SLFN12L: variants seen among roughly 807,000 people sequenced by gnomAD.
SLFN12L encodes the protein schlafen family member 12-like.
A neutral mutation model predicts 34.8 loss-of-function variants in SLFN12L; 34 were observed. That is an observed-to-expected ratio of 0.98 (90% CI 0.74 to 1.30). The LOEUF (loss-of-function observed/expected upper bound fraction) is 1.30, where lower values mean the gene tolerates loss of function less well. Among genes scored for constraint, SLFN12L ranks in the 50% most tolerant of loss-of-function variants. The probability of loss-of-function intolerance (pLI) is 0.00; values close to 1 mark genes in which losing one functional copy is unlikely to be tolerated. For missense variants in SLFN12L, 703 were observed against 696.2 expected, an observed-to-expected ratio of 1.01 and a Z score of -0.11; for synonymous variants, 259 against 247.5, an observed-to-expected ratio of 1.05 and a Z score of -0.44.
intron 2 of SLFN12L, among the ~76,000 whole-genome samples, chr17:35,520,197 G>A (rs892681650): frequency 1.3e-5 from 2 of 152,088 alleles, no homozygotes; most frequent in African/African-American, 2.4e-5. Context: ...CAACTGCAGC[G>A]CATCCACTGC....
intron 1 of SLFN12L, among the ~76,000 whole-genome samples, chr17:35,530,417 GGAAGGAAGGAAGGGAAGGGAAGGGA>G (rs2072384917): frequency 7.7e-5 from 1 of 12,936 alleles, no homozygotes; most frequent in African/African-American, 2.1e-4. Flanking sequence ...AAGGAAGGAA[GGAAGGAAGGAAGGGAAGGGAAGGGA>G]AGAAAGAAAG....
chr17:35,508,432 C>T lies in SLFN12L; in HGVS notation c.86+13847G>A, dbSNP rs527918733. On this transcript the variant is annotated intron_variant, in intron 2 of 4. Coordinates refer to ENST00000628453, the MANE Select transcript of SLFN12L (RefSeq NM_001363830.2). ...CACGATCTCAGCTCACTGCAATGTC[C>T]GCCTCCCAGGTTCATGCCATTCTCC... 1.7e-4 allele frequency among the ~76,000 whole-genome samples: 26 copies of T among 152,256 alleles called. No individual in the cohort carries two copies. The East Asian group carries it at 2.3e-3, about 14-fold the overall frequency.
At chr17:35,495,872 C>A (rs1409814757) in intron 2 of SLFN12L, among the ~76,000 whole-genome samples, 1 of 146,392 alleles carries the variant, frequency 6.8e-6, no homozygotes. Flanking sequence ...GCAGGGTGAG[C>A]GACAGAAGCT....
intron 2 of SLFN12L, among the ~76,000 whole-genome samples, chr17:35,487,270 C>A (rs1276197774): frequency 2.0e-5 from 3 of 152,280 alleles, no homozygotes; most frequent in Non-Finnish European, 2.9e-5. Flanking sequence ...CGCTCCCCAG[C>A]CCACGCACGG....
chr17:35,487,872 C>T lies in SLFN12L; in HGVS notation c.87-7677G>A, dbSNP rs778849564. On this transcript the variant is annotated intron_variant, in intron 2 of 4. Coordinates refer to ENST00000628453, the MANE Select transcript of SLFN12L (RefSeq NM_001363830.2). ...CTCGACTCCCCGGAAGTGGTGGCAC[C>T]GCACGCGCTGTTATCGACTCTGCGC... is the stretch of plus-strand genomic sequence containing the variant. 22 of 957,616 alleles carry T rather than the reference C, an allele frequency of 2.3e-5. No individual in the cohort carries two copies. The South Asian group carries it at 2.9e-4, about 13-fold the overall frequency. The allele number at this position is 957,616 out of a possible 1,614,324, so 59.3% of individuals were successfully genotyped here.
Position 35,478,139 on chromosome 17 carries a change from G to A in SLFN12L, c.1212C>T (p.Ser404=), listed in dbSNP as rs545869111. 2 of 1,545,504 alleles carry A rather than the reference G, an allele frequency of 1.3e-6. No individual in the cohort carries two copies. Among genetic ancestry groups the A allele is most frequent in the East Asian group, 2.5e-5 (1 of 40,814 alleles). Residue 404 remains serine, a synonymous_variant, in exon 4 of 5, where the codon TCC becomes TCT. Transcript: ENST00000628453. ...PSPASTSSPV[S]QSYPLREYIN... is the part of the protein sequence containing the mutation. Reference sequence around the variant, plus strand: ...TATATTCACGAAGAGGATAACTCTGGGAGACAGGTGATGATGTACTTGCTG... The same window carrying A: ...TATATTCACGAAGAGGATAACTCTGAGAGACAGGTGATGATGTACTTGCTG...
chr17:35,479,785 G>A lies in SLFN12L; in HGVS notation c.497C>T (p.Ser166Phe). 6.2e-7 allele frequency: 1 copy of A among 1,613,338 alleles called. No homozygotes were observed. The change falls in exon 3 of 5, where the codon TCC (serine) becomes TTC (phenylalanine). Residue 166 changes from serine (S) to phenylalanine (F), a missense_variant. Physicochemically the swap from Ser to Phe is radical, Grantham distance 155 (BLOSUM62 -2). Transcript: ENST00000628453. ...CGTTACATCTCTCTTGTACAAACTG[G>A]AGCTCAACGTGGCAATCTGCGGACC... ...TSGPQIATLS[S>F]SLYKRDVTSA...
chr17:35,530,541 A>AG (rs1555546006), intron 1 of SLFN12L, among the ~76,000 whole-genome samples: 1,743 of 22,888 alleles, frequency 0.076, 171 homozygotes, highest in African/African-American at 0.1. Context: ...AGAAAAGAAA[A>AG]GAAAGAAAGA....
chr17:35,484,089 C>T (rs1293664130), intron 2 of SLFN12L, among the ~76,000 whole-genome samples: 2 of 152,172 alleles, frequency 1.3e-5, no homozygotes, highest in African/African-American at 4.8e-5. Flanking sequence ...TCCTTGTGCA[C>T]CAGAGTAGTC....
intron 1 of SLFN12L, among the ~76,000 whole-genome samples, chr17:35,534,218 C>T (rs1464476786): frequency 6.6e-6 from 1 of 151,310 alleles, no homozygotes; most frequent in Non-Finnish European, 1.5e-5. Flanking sequence ...AAAAATTAGC[C>T]GGGCATGGTG....
At chr17:35,530,433 AGGGAAGGG>A (rs1567693987) in intron 1 of SLFN12L, among the ~76,000 whole-genome samples, 5 of 10,242 alleles carry the variant, frequency 4.9e-4, no homozygotes, top group African/African-American at 9.3e-4. Flanking sequence ...AAGGAAGGGA[AGGGAAGGG>A]AAGAAAGAAA....
chr17:35,483,124 G>A (rs767175135), intron 2 of SLFN12L, among the ~76,000 whole-genome samples: 1 of 152,034 alleles, frequency 6.6e-6, no homozygotes, highest in Non-Finnish European at 1.5e-5. Flanking sequence ...GGTCCCCAGG[G>A]CCTCCTCTCT....
intron 2 of SLFN12L, among the ~76,000 whole-genome samples, chr17:35,514,163 A>T (rs1029948880): frequency 6.6e-6 from 1 of 152,248 alleles, no homozygotes; most frequent in African/African-American, 2.4e-5. Flanking sequence ...GCAACTACTT[A>T]TATTTTAAAT....
rs142535789 is a variant in SLFN12L at position 35,530,379 on chromosome 17, A to T, written c.-606+7194T>A. 7.4e-3 allele frequency among the ~76,000 whole-genome samples: 56 copies of T among 7,526 alleles called. 3 individuals carry two copies. The East Asian group carries it at 0.3, about 40-fold the overall frequency. The allele number at this position is 7,526 out of a possible 152,430, so 4.9% of individuals were successfully genotyped here. On this transcript the variant is annotated intron_variant, in intron 1 of 4. Transcript: ENST00000628453. ...AGAGAAAGAAAGGAAGGAAGGAAGGAAGGAAGGAAGGAAGGAAGGAAGGAA... is the reference window on the plus strand; with the variant it reads ...AGAGAAAGAAAGGAAGGAAGGAAGGTAGGAAGGAAGGAAGGAAGGAAGGAA...
chr17:35,505,969 T>C (rs1278265432), intron 2 of SLFN12L, among the ~76,000 whole-genome samples: 1 of 152,212 alleles, frequency 6.6e-6, no homozygotes, highest in Non-Finnish European at 1.5e-5. Flanking sequence ...AGTCTTATTT[T>C]ATGCTTATTG....
intron 2 of SLFN12L, among the ~76,000 whole-genome samples, chr17:35,495,837 G>A (rs755415356): frequency 5.3e-5 from 8 of 151,670 alleles, no homozygotes; most frequent in Non-Finnish European, 8.8e-5. Context: ...CAGACCCACT[G>A]GGATGAGGGC....
chr17:35,494,117 G>A lies in SLFN12L; in HGVS notation c.87-13922C>T, dbSNP rs530462122. 2.6e-5 allele frequency among the ~76,000 whole-genome samples: 4 copies of A among 152,180 alleles called. No homozygotes were observed. The South Asian group carries it at 6.2e-4, about 24-fold the overall frequency. Reference sequence around the variant, plus strand: ...GGGAATTTATTTTCCTACGGGGTACGTGATTTTGTAAAAAGGAAGTATTTC... The same window carrying A: ...GGGAATTTATTTTCCTACGGGGTACATGATTTTGTAAAAAGGAAGTATTTC... On this transcript the variant is annotated intron_variant, in intron 2 of 4. Coordinates refer to ENST00000628453, the MANE Select transcript of SLFN12L (RefSeq NM_001363830.2).
At position 35,473,023 on chromosome 17, in the gene SLFN12L, G is replaced by C. The variant is rs1316221781; in HGVS notation, c.*1900C>G. Among the ~76,000 whole-genome samples, 1 of 152,178 alleles carries C rather than the reference G, an allele frequency of 6.6e-6. No homozygotes were observed. Among genetic ancestry groups the C allele is most frequent in the African/African-American group, 2.4e-5 (1 of 41,444 alleles). On this transcript the variant is annotated 3_prime_UTR_variant, in exon 5 of 5. Transcript: ENST00000628453. ...TTTTGTATCCTGAGACTTTGCTGAA[G>C]TTGCTTATCAGCTTAAGGAATTTGG...
At chr17:35,496,983 T>C (rs185153535) in intron 2 of SLFN12L, among the ~76,000 whole-genome samples, 43 of 152,312 alleles carry the variant, frequency 2.8e-4, no homozygotes, top group African/African-American at 8.9e-4. Flanking sequence ...AAAGCCACTG[T>C]AGGCTGGGCA....
Sources: gnomAD v4.1 joint callset for allele counts (sites outside exome capture counted in the v4.1 genomes callset) on GRCh38, gnomAD v4.1.1 for gene constraint, MANE v1.5 for transcripts, NCBI Gene and HGNC (gene_info 2026-07-23, HGNC 2026-07-21) for gene names.